Variants in MTMR7 observed in about 807,000 individuals in gnomAD.
MTMR7 encodes phosphatidylinositol-3-phosphate phosphatase MTMR7.
MTMR7 carries 76 observed loss-of-function variants against 81.2 expected under a neutral mutation model. The observed-to-expected ratio is 0.94, with a 90% CI of 0.78 to 1.13. The LOEUF (loss-of-function observed/expected upper bound fraction) is 1.13, where lower values mean the gene tolerates loss of function less well. Among genes scored for constraint, MTMR7 ranks in the 50% most tolerant of loss-of-function variants. The pLI is 0.00. For missense variants in MTMR7, 1,044 were observed against 820.0 expected (o/e 1.27, Z -3.34); for synonymous variants, 372 against 289.8 (o/e 1.28, Z -2.88).
At chr8:17,387,197 G>C (rs902157267) in intron 1 of MTMR7, among the ~76,000 whole-genome samples, 3 of 152,086 alleles carry the variant, frequency 2.0e-5, no homozygotes, top group African/African-American at 7.2e-5. Context: ...CAGGTATTCC[G>C]ATATCCCAGA....
chr8:17,300,189 G>C lies in MTMR7; in HGVS notation c.1656C>G (p.Cys552Trp). Reference protein sequence around the residue: ...LEKIQKVQLNCTKVKSKQSEP... With the variant: ...LEKIQKVQLNWTKVKSKQSEP... Reference sequence around the variant, plus strand: ...CACTTTGCTTACTCTTCACCTTAGTGCAATTTAACTGGACCTTTTGAATTT... The same window carrying C: ...CACTTTGCTTACTCTTCACCTTAGTCCAATTTAACTGGACCTTTTGAATTT... Residue 552 changes from cysteine (C) to tryptophan (W), a missense_variant, in exon 14 of 14, where the codon TGC becomes TGG. By Grantham distance (215) the Cys-to-Trp change is radical. Transcript: ENST00000180173. 6.2e-7 allele frequency: 1 copy of C among 1,613,246 alleles called. No individual in the cohort carries two copies. Among genetic ancestry groups the C allele is most frequent in the Non-Finnish European group, 8.5e-7 (1 of 1,179,466 alleles).
chr8:17,390,327 A>G (rs1821070153), intron 1 of MTMR7, among the ~76,000 whole-genome samples: 1 of 151,920 alleles, frequency 6.6e-6, no homozygotes, highest in African/African-American at 2.4e-5. Flanking sequence ...AGGAGGTGCC[A>G]CACTCTTTTA....
Position 17,373,179 on chromosome 8 carries a change from T to C in MTMR7, c.86A>G (p.Tyr29Cys). ...SPKKAALGTL[Y>C]LTATHVIFVE... ...GAATATGACATGGGTAGCCGTCAAA[T>C]ACAAAGTACCTAGAGCTGCTTTTTT... is the stretch of plus-strand genomic sequence containing the variant. The change falls in exon 2 of 14, where the codon TAT becomes TGT. Residue 29 changes from tyrosine (Y) to cysteine (C), a missense_variant. Physicochemically the swap from Tyr to Cys is radical, Grantham distance 194 (BLOSUM62 -2). Coordinates refer to ENST00000180173, the MANE Select transcript of MTMR7 (RefSeq NM_004686.5). The C allele has an allele frequency of 6.8e-6, 11 of 1,613,938 alleles. No homozygotes were observed. Among genetic ancestry groups the C allele is most frequent in the Non-Finnish European group, 9.3e-6 (11 of 1,179,836 alleles).
chr8:17,313,455 A>T, intron 7 of MTMR7, 54 bp from the exon 8 acceptor site: 1 of 1,163,682 alleles, frequency 8.6e-7, no homozygotes, highest in South Asian at 1.4e-5. Context: ...CTCATTTTAC[A>T]TATGATCATG....
chr8:17,341,624 G>A (rs1819410862), intron 5 of MTMR7, 127 bp from the exon 6 acceptor site: 1 of 1,152,260 alleles, frequency 8.7e-7, no homozygotes, highest in East Asian at 2.5e-5. Flanking sequence ...ATGAAAACGT[G>A]ATACAGCTTT....
chr8:17,316,232 G>T (rs748242937), intron 7 of MTMR7, among the ~76,000 whole-genome samples: 2 of 151,674 alleles, frequency 1.3e-5, no homozygotes, highest in African/African-American at 2.4e-5. Flanking sequence ...ATTTATGTTA[G>T]CCCTTATTAC....
rs536621651 is a variant in MTMR7, at chr8:17,378,784, G to C, written c.25-5544C>G. 5.9e-5 allele frequency among the ~76,000 whole-genome samples: 9 copies of C among 152,256 alleles called. No homozygotes were observed. The South Asian group carries it at 1.9e-3, about 32-fold the overall frequency. ...TGACTGATGTGTAAAAAGCTATTGT[G>C]TCATTTCATTGGCAGTGCTTCTTTC... On this transcript the variant is annotated intron_variant, in intron 1 of 13. Transcript: ENST00000180173.
chr8:17,311,799 G>C (rs547889051), intron 8 of MTMR7, 163 bp from the exon 9 acceptor site: 11 of 1,090,708 alleles, frequency 1.0e-5, no homozygotes, highest in Non-Finnish European at 1.4e-5. Context: ...GGCAGAGCCA[G>C]AGTGGCCTGG....
In MTMR7 at chr8:17,299,844, G is replaced by A; in HGVS notation, c.*18C>T. On this transcript the variant is annotated 3_prime_UTR_variant, in exon 14 of 14. Transcript: ENST00000180173. ...TGTTGCTTATGTGTCCTTTACTTTGGAACTCCAAAGGGAAACTTCAGGCAG... is the reference window on the plus strand; with the variant it reads ...TGTTGCTTATGTGTCCTTTACTTTGAAACTCCAAAGGGAAACTTCAGGCAG... The A allele has an allele frequency of 1.2e-6, 2 of 1,612,306 alleles. No homozygotes were observed. The highest frequency in any genetic ancestry group is 2.2e-5 in the East Asian group (1 of 44,822).
At chr8:17,404,445 T>C (rs1821519452) in intron 1 of MTMR7, among the ~76,000 whole-genome samples, 1 of 152,132 alleles carries the variant, frequency 6.6e-6, no homozygotes. Context: ...CTTAATAAGA[T>C]CCAGGTACTA....
intron 3 of MTMR7, among the ~76,000 whole-genome samples, chr8:17,369,387 G>A (rs1469058757): frequency 6.6e-6 from 1 of 152,138 alleles, no homozygotes; most frequent in African/African-American, 2.4e-5. Context: ...TTTCCATTTA[G>A]TAACTTTAGC....
chr8:17,398,988 T>C (rs532053707), intron 1 of MTMR7, among the ~76,000 whole-genome samples: 1 of 152,174 alleles, frequency 6.6e-6, no homozygotes, highest in South Asian at 2.1e-4. Flanking sequence ...CTCAACATAA[T>C]AAAAGACATA....
At chr8:17,383,073 A>C (rs75293962) in intron 1 of MTMR7, among the ~76,000 whole-genome samples, 1 of 151,696 alleles carries the variant, frequency 6.6e-6, no homozygotes, top group Non-Finnish European at 1.5e-5. Context: ...GATAAGACAC[A>C]TCCACCACCT....
intron 7 of MTMR7, among the ~76,000 whole-genome samples, chr8:17,317,864 G>C (rs1818177426): frequency 6.6e-6 from 1 of 151,704 alleles, no homozygotes; most frequent in Admixed American, 6.6e-5. Context: ...TTATATTTTT[G>C]TTTCCATGAC....
intron 1 of MTMR7, among the ~76,000 whole-genome samples, chr8:17,391,405 G>T (rs181749958): frequency 1.3e-5 from 2 of 152,164 alleles, no homozygotes; most frequent in Admixed American, 6.5e-5. Context: ...TTTTACTAAA[G>T]AATTTTTACA....
chr8:17,338,907 C>G (rs1324420220), intron 6 of MTMR7: 1 of 139,082 alleles, frequency 7.2e-6, no homozygotes, highest in East Asian at 3.1e-4. Flanking sequence ...AGTAACTCCA[C>G]ACACTTCTCT....
chr8:17,299,498 A>T lies in MTMR7; in HGVS notation c.*364T>A, dbSNP rs1310638586. On this transcript the variant is annotated 3_prime_UTR_variant, in exon 14 of 14. Transcript: ENST00000180173. The stretch of plus-strand genomic sequence containing the variant: ...GAAGTGAACTAAAAGAATCATGATG[A>T]TCACAGATGTGAGGGAAAGGAGTGG... 5 of 186,212 alleles carry T rather than the reference A, an allele frequency of 2.7e-5. No homozygotes were observed. Among genetic ancestry groups the T allele is most frequent in the Admixed American group, 5.3e-5 (1 of 18,758 alleles). The allele number at this position is 186,212 out of a possible 1,614,324, so 11.5% of individuals were successfully genotyped here.
chr8:17,405,335 G>C (rs1263244950), intron 1 of MTMR7, among the ~76,000 whole-genome samples: 1 of 152,108 alleles, frequency 6.6e-6, no homozygotes, highest in Admixed American at 6.6e-5. Context: ...AAGGACATTC[G>C]TATTCCTGTA....
chr8:17,332,585 G>A (rs948622324), intron 6 of MTMR7, among the ~76,000 whole-genome samples: 11 of 152,186 alleles, frequency 7.2e-5, no homozygotes, highest in African/African-American at 2.7e-4. Context: ...TAAGTGAAAA[G>A]TGCATGGCAA....
Sources: gnomAD v4.1 joint callset for allele counts (sites outside exome capture counted in the v4.1 genomes callset) on GRCh38, gnomAD v4.1.1 for gene constraint, MANE v1.5 for transcripts, NCBI Gene and HGNC (gene_info 2026-07-23, HGNC 2026-07-21) for gene names.